Variants in TRRAP observed in about 807,000 individuals in gnomAD.
TRRAP encodes transformation/transcription domain-associated protein.
A neutral mutation model predicts 438.8 loss-of-function variants in TRRAP; 41 were observed. That is an observed-to-expected ratio of 0.09 (90% CI 0.07 to 0.12). The LOEUF (loss-of-function observed/expected upper bound fraction) is 0.12. TRRAP is among the 10% of genes least tolerant of loss of function. The probability of loss-of-function intolerance (pLI) is 1.00; values close to 1 mark genes in which losing one functional copy is unlikely to be tolerated. For synonymous variants in TRRAP, 1,994 were observed against 1,962.9 expected (o/e 1.02, Z -0.42); for missense variants, 3,122 against 5,055.1 (o/e 0.62, Z 11.60).
Position 98,964,630 on chromosome 7 carries a change from G to T in TRRAP, c.6831G>T (p.Gly2277=). 6.2e-7 allele frequency: 1 copy of T among 1,605,432 alleles called. No homozygotes were observed. Among genetic ancestry groups the T allele is most frequent in the Non-Finnish European group, 8.5e-7 (1 of 1,177,502 alleles). ...ATNANPSQLF[G]TLMILKSACS... ...CACTTGGCAATTTCTACATTTTAGG[G>T]ACCCTTATGATCCTCAAGTCTGCCT... Residue 2277 remains glycine, a splice_region_variant and synonymous_variant, in exon 48 of 73, where the codon GGG becomes GGT. Coordinates refer to ENST00000456197, the MANE Select transcript of TRRAP (RefSeq NM_001375524.1).
chr7:98,961,199 C>G (rs1791876520), intron 45 of TRRAP, 62 bp from the exon 46 acceptor site: 2 of 1,559,224 alleles, frequency 1.3e-6, no homozygotes, highest in Non-Finnish European at 1.8e-6. Context: ...ACTCTTGTTT[C>G]TAGAATTTGT....
Position 98,970,104 on chromosome 7 carries a change from C to T in TRRAP, c.7513-8C>T. On this transcript the variant is annotated splice_region_variant and splice_polypyrimidine_tract_variant and intron_variant, in intron 51 of 72. Coordinates refer to ENST00000456197, the MANE Select transcript of TRRAP (RefSeq NM_001375524.1). Reference sequence around the variant, plus strand: ...CTTGGGTCTGTCTCCTTTCCGCACCCCTTGCAGCTGCTTCTGGCCGTGTGT... The same window carrying T: ...CTTGGGTCTGTCTCCTTTCCGCACCTCTTGCAGCTGCTTCTGGCCGTGTGT... 5 of 1,613,428 alleles carry T rather than the reference C, an allele frequency of 3.1e-6. No individual in the cohort carries two copies. The highest frequency in any genetic ancestry group is 3.4e-6 in the Non-Finnish European group (4 of 1,179,758).
Position 98,983,471 on chromosome 7 carries a change from T to C in TRRAP, c.9022+12T>C. On this transcript the variant is annotated intron_variant, in intron 60 of 72. Coordinates refer to ENST00000456197, the MANE Select transcript of TRRAP (RefSeq NM_001375524.1). ...GCATCATTACCAGGGTAAACCGACC[T>C]GGTCCGGCATGCATTCATCATGTAA... The C allele has an allele frequency of 6.2e-7, 1 of 1,614,068 alleles. No individual in the cohort carries two copies. Among genetic ancestry groups the C allele is most frequent in the Non-Finnish European group, 8.5e-7 (1 of 1,179,950 alleles).
chr7:99,004,522 C>T (rs1305330211), intron 68 of TRRAP, 107 bp downstream of exon 68: 2 of 938,834 alleles, frequency 2.1e-6, no homozygotes, highest in East Asian at 5.0e-5. Context: ...ACACAGATTC[C>T]CTGACATGGG....
chr7:98,984,326 G>T lies in TRRAP; in HGVS notation c.9256G>T (p.Ala3086Ser), dbSNP rs754939068. The T allele has an allele frequency of 6.3e-7, 1 of 1,597,164 alleles. No homozygotes were observed. ...RQQVKCYLQL[A>S]GVMGKNECMQ... is the part of the protein sequence containing the mutation. ...GCAAGTTAAATGCTACCTCCAGCTG[G>T]CAGGCGTCATGGGCAAAAACGAGTG... The change falls in exon 61 of 73, where the codon GCA becomes TCA. Residue 3086 changes from alanine (A) to serine (S), a missense_variant. Physicochemically the swap from Ala to Ser is moderately conservative, Grantham distance 99. This residue lies in a region of TRRAP where 129 missense variants were observed against 279.2 expected (regional missense o/e 0.46). Coordinates refer to ENST00000456197, the MANE Select transcript of TRRAP (RefSeq NM_001375524.1).
chr7:98,934,882 C>G (rs570619483), intron 27 of TRRAP, among the ~76,000 whole-genome samples: 10 of 152,130 alleles, frequency 6.6e-5, no homozygotes, highest in Non-Finnish European at 1.3e-4. Context: ...GCTTGAAGTG[C>G]TTTTCACTCT....
At chr7:98,967,013 A>T in intron 49 of TRRAP, 28 bp from the exon 50 acceptor site, 1 of 1,594,048 alleles carries the variant, frequency 6.3e-7, no homozygotes, top group Non-Finnish European at 8.5e-7. Context: ...AATACTTTTA[A>T]CTGCGTCTTT....
chr7:98,950,748 G>C, intron 38 of TRRAP, 128 bp from the exon 39 acceptor site: 4 of 1,146,468 alleles, frequency 3.5e-6, no homozygotes, highest in Non-Finnish European at 4.7e-6. Flanking sequence ...GTCAAGGTTG[G>C]TAGTCACACC....
At chr7:98,951,028 G>A in intron 39 of TRRAP, 24 bp downstream of exon 39, 1 of 1,559,436 alleles carries the variant, frequency 6.4e-7, no homozygotes, top group Non-Finnish European at 8.7e-7. Context: ...GTGTGTGGGT[G>A]TGAGAAGTAG....
chr7:98,966,627 G>A (rs943471126), intron 49 of TRRAP, among the ~76,000 whole-genome samples: 2 of 152,080 alleles, frequency 1.3e-5, no homozygotes, highest in Non-Finnish European at 2.9e-5. Context: ...AGAGGTTGCA[G>A]TAAGCCAAGA....
chr7:98,971,858 A>C lies in TRRAP; in HGVS notation c.7752A>C (p.Lys2584Asn). ...PGDQTSTPKT[K>N]ELSEKDIGNQ... ...ATCAGACCAGCACGCCCAAAACCAA[A>C]GAACTTTCAGAAAAGGACATTGGAA... Residue 2584 changes from lysine to asparagine, a missense_variant, in exon 53 of 73, where the codon AAA (lysine) becomes AAC (asparagine). By Grantham distance (94) the Lys-to-Asn change is moderately conservative. Around this residue, in one of 24 missense-constraint regions of TRRAP, gnomAD observed 992 missense variants for 1,281.2 expected, o/e 0.77. Coordinates refer to ENST00000456197, the MANE Select transcript of TRRAP (RefSeq NM_001375524.1). The C allele has an allele frequency of 6.2e-7, 1 of 1,614,248 alleles. No individual in the cohort carries two copies.
rs143984598 is a variant in TRRAP at position 98,921,079 on chromosome 7, C to T, written c.2623-674C>T. Among the ~76,000 whole-genome samples, 1,049 of 152,262 alleles carry T rather than the reference C, an allele frequency of 6.9e-3. 3 individuals carry two copies. The highest frequency in any genetic ancestry group is 9.9e-3 in the Non-Finnish European group (675 of 68,034). ...CTCGAACTACCGACTTCAGGTGATC[C>T]GCCCACCTCAGCCTCCCAAAGTGCT... On this transcript the variant is annotated intron_variant, in intron 20 of 72. Coordinates refer to ENST00000456197, the MANE Select transcript of TRRAP (RefSeq NM_001375524.1).
At chr7:98,998,460 G>A (rs937925328) in intron 67 of TRRAP, 31 of 160,478 alleles carry the variant, frequency 1.9e-4, no homozygotes, top group Non-Finnish European at 4.0e-4. Context: ...TAAATATCCT[G>A]TGAGGTTACT....
At chr7:98,882,848 C>T (rs1370620623) in intron 3 of TRRAP, among the ~76,000 whole-genome samples, 1 of 144,616 alleles carries the variant, frequency 6.9e-6, no homozygotes, top group Admixed American at 6.8e-5. Flanking sequence ...TAGTAGAGAC[C>T]GGGTTTCACC....
At chr7:98,955,041 T>A (rs1463981300) in intron 40 of TRRAP, 57 bp from the exon 41 acceptor site, 2 of 1,543,834 alleles carry the variant, frequency 1.3e-6, no homozygotes, top group Non-Finnish European at 1.8e-6. Flanking sequence ...GGGATTGTCT[T>A]CTTATTTCTT....
In TRRAP at chr7:98,903,474, T is replaced by C; in HGVS notation, c.993T>C (p.Leu331=). The stretch of plus-strand genomic sequence containing the variant: ...AGACTGCACACCTCAGAAAGGAGCT[T>C]CTGATTGCTGCCAAACACATCCTCA... ...PAETAHLRKE[L]LIAAKHILTT... Residue 331 remains leucine, a synonymous_variant, in exon 12 of 73, where the codon CTT becomes CTC. Transcript: ENST00000456197. The C allele has an allele frequency of 4.3e-6, 7 of 1,614,204 alleles. No homozygotes were observed. The highest frequency in any genetic ancestry group is 5.9e-6 in the Non-Finnish European group (7 of 1,180,036).
intron 33 of TRRAP, among the ~76,000 whole-genome samples, chr7:98,947,737 T>G (rs1268603177): frequency 6.6e-6 from 1 of 152,232 alleles, no homozygotes; most frequent in African/African-American, 2.4e-5. Flanking sequence ...ATTACAGGCA[T>G]GAGCTACCAC....
At chr7:98,984,000 T>G in intron 60 of TRRAP, 93 bp from the exon 61 acceptor site, 2 of 1,428,574 alleles carry the variant, frequency 1.4e-6, no homozygotes, top group Non-Finnish European at 1.9e-6. Context: ...ATAAGCCATG[T>G]GTGTGTGTGT....
intron 30 of TRRAP, among the ~76,000 whole-genome samples, chr7:98,942,025 G>A (rs1422143703): frequency 2.0e-5 from 3 of 152,192 alleles, no homozygotes; most frequent in Non-Finnish European, 4.4e-5. Context: ...TTTGAACAAC[G>A]CAGGGTAATA....
Sources: gnomAD v4.1 joint callset for allele counts (sites outside exome capture counted in the v4.1 genomes callset) on GRCh38, gnomAD v4.1.1 for gene constraint, gnomAD v4.1.1 regional missense constraint, MANE v1.5 for transcripts, NCBI Gene and HGNC (gene_info 2026-07-23, HGNC 2026-07-21) for gene names.